Variants in KCNIP1 observed in about 807,000 individuals in gnomAD.
The protein encoded by KCNIP1 is A-type potassium channel modulatory protein KCNIP1.
KCNIP1 carries 18 observed loss-of-function variants against 33.0 expected under a neutral mutation model. That is an observed-to-expected ratio of 0.55 (90% confidence interval 0.38 to 0.81). The LOEUF (loss-of-function observed/expected upper bound fraction) is 0.81, where lower values mean the gene tolerates loss of function less well. KCNIP1 is among the 30% of genes least tolerant of loss of function. KCNIP1 has a pLI of 0.00. For missense variants in KCNIP1, 238 were observed against 271.6 expected, an observed-to-expected ratio of 0.88 and a Z score of 0.87; for synonymous variants, 93 against 98.3, an observed-to-expected ratio of 0.95 and a Z score of 0.32.
chr5:170,503,274 A>G (rs1432634722), upstream of KCNIP1, among the ~76,000 whole-genome samples: 1 of 151,610 alleles, frequency 6.6e-6, no homozygotes, highest in Non-Finnish European at 1.5e-5. Flanking sequence ...GGCGCCTGTA[A>G]TCCCAGCTAC....
intron 5 of KCNIP1, 88 bp downstream of exon 5, chr5:170,722,908 T>G (rs1005917908): frequency 2.5e-6 from 2 of 789,100 alleles, no homozygotes; most frequent in African/African-American, 3.5e-5. Flanking sequence ...AGGATAGCAC[T>G]GTCTGAATGA....
intron 1 of KCNIP1, among the ~76,000 whole-genome samples, chr5:170,526,276 C>T (rs1174530235): frequency 6.6e-6 from 1 of 152,204 alleles, no homozygotes; most frequent in Non-Finnish European, 1.5e-5. Context: ...CTGGCTCCTA[C>T]TACACACTCA....
At chr5:170,521,127 T>C (rs1286191800) in intron 1 of KCNIP1, among the ~76,000 whole-genome samples, 5 of 152,220 alleles carry the variant, frequency 3.3e-5, no homozygotes, top group African/African-American at 1.2e-4. Flanking sequence ...ACCACAATCC[T>C]AGTCCTTAGC....
intron 1 of KCNIP1, among the ~76,000 whole-genome samples, chr5:170,581,740 G>A (rs1284464089): frequency 2.0e-5 from 3 of 152,224 alleles, no homozygotes; most frequent in Admixed American, 2.0e-4. Flanking sequence ...TAAACCCACT[G>A]TCTATGTCTG....
intron 1 of KCNIP1, among the ~76,000 whole-genome samples, chr5:170,571,248 G>A (rs1197393624): frequency 6.6e-6 from 1 of 151,214 alleles, no homozygotes; most frequent in African/African-American, 2.5e-5. Context: ...ATTCATCCAT[G>A]CACATTAGAA....
At chr5:170,451,965 G>A (rs1756265333) in intron 1 of KCNIP1, among the ~76,000 whole-genome samples, 1 of 146,620 alleles carries the variant, frequency 6.8e-6, no homozygotes, top group Admixed American at 6.9e-5. Flanking sequence ...CCCAGGCCTG[G>A]GCTGGTGGCT....
At chr5:170,465,880 A>C (rs113236237) in intron 1 of KCNIP1, among the ~76,000 whole-genome samples, 130 of 152,310 alleles carry the variant, frequency 8.5e-4, no homozygotes, top group Non-Finnish European at 8.1e-4. Flanking sequence ...AAGAAGACCA[A>C]TGTTTCTGAA....
chr5:170,637,744 G>A (rs113376031), intron 1 of KCNIP1, among the ~76,000 whole-genome samples: 6 of 151,966 alleles, frequency 3.9e-5, no homozygotes, highest in South Asian at 2.1e-4. Flanking sequence ...TCCTGTTCGC[G>A]CTACATAACA....
chr5:170,409,443 T>C (rs1005059235), intron 1 of KCNIP1, among the ~76,000 whole-genome samples: 3 of 152,150 alleles, frequency 2.0e-5, no homozygotes, highest in Admixed American at 6.5e-5. Flanking sequence ...CAAGTTCAAG[T>C]CACTTCTCCA....
intron 1 of KCNIP1, among the ~76,000 whole-genome samples, chr5:170,505,589 G>A (rs1754685523): frequency 6.6e-6 from 1 of 152,226 alleles, no homozygotes. Context: ...TGGGAGTTAA[G>A]CTCCTACCCT....
chr5:170,516,440 A>G (rs1043064576), intron 1 of KCNIP1, among the ~76,000 whole-genome samples: 2 of 152,188 alleles, frequency 1.3e-5, no homozygotes, highest in African/African-American at 2.4e-5. Context: ...ATCCCAGGAC[A>G]GTACTGGGCA....
intron 1 of KCNIP1, among the ~76,000 whole-genome samples, chr5:170,395,178 C>G (rs981420241): frequency 6.6e-6 from 1 of 152,218 alleles, no homozygotes; most frequent in African/African-American, 2.4e-5. Context: ...CTCCAAAGTG[C>G]TTTCCACAGG....
intron 7 of KCNIP1, among the ~76,000 whole-genome samples, 163 bp downstream of exon 7, chr5:170,734,061 C>T (rs1372200926): frequency 1.3e-5 from 2 of 152,132 alleles, no homozygotes; most frequent in Admixed American, 1.3e-4. Context: ...AGTTCCACTC[C>T]TCAACCTGAC....
At chr5:170,524,460 CA>C (rs1279986620) in intron 1 of KCNIP1, among the ~76,000 whole-genome samples, 7 of 152,206 alleles carry the variant, frequency 4.6e-5, no homozygotes, top group Non-Finnish European at 8.8e-5. Flanking sequence ...TGACCCAGGA[CA>C]AGTCACTTGG....
At chr5:170,406,518 T>C (rs1755043195) in intron 1 of KCNIP1, among the ~76,000 whole-genome samples, 1 of 152,192 alleles carries the variant, frequency 6.6e-6, no homozygotes, top group Non-Finnish European at 1.5e-5. Context: ...CAGGTAGCAA[T>C]AATTACACCT....
intron 1 of KCNIP1, among the ~76,000 whole-genome samples, chr5:170,512,082 G>A (rs1754953463): frequency 6.6e-6 from 1 of 152,208 alleles, no homozygotes; most frequent in Admixed American, 6.5e-5. Flanking sequence ...AATATGAAAT[G>A]ATTGGGGGCA....
intron 1 of KCNIP1, among the ~76,000 whole-genome samples, chr5:170,682,784 C>CTTTTTTTTTTTGTTTTTTTTTTTTT (rs1762397142): frequency 5.6e-5 from 4 of 71,404 alleles, no homozygotes; most frequent in South Asian, 8.2e-4. Flanking sequence ...TTCTTTGTTT[C>CTTTTTTTTTTTGTTTTTTTTTTTTT]TTTTTTTTTT....
chr5:170,527,125 C>T (rs1031149885), intron 1 of KCNIP1, among the ~76,000 whole-genome samples: 1 of 152,148 alleles, frequency 6.6e-6, no homozygotes, highest in Non-Finnish European at 1.5e-5. Context: ...CTTGGGTGAC[C>T]TTTCTCCATG....
At chr5:170,378,510 G>A in intron 1 of KCNIP1, 1 of 664,294 alleles carries the variant, frequency 1.5e-6, no homozygotes, top group Non-Finnish European at 2.5e-6. Flanking sequence ...GGGAGCCACT[G>A]TACATTCTTG....
Sources: gnomAD v4.1 joint callset for allele counts (sites outside exome capture counted in the v4.1 genomes callset) on GRCh38, gnomAD v4.1.1 for gene constraint, MANE v1.5 for transcripts, NCBI Gene and HGNC (gene_info 2026-07-23, HGNC 2026-07-21) for gene names.